NDST4: variants seen among roughly 807,000 people sequenced by gnomAD.
NDST4 encodes the protein N-heparan sulfate sulfotransferase 4.
A neutral mutation model predicts 100.8 loss-of-function variants in NDST4; 63 were observed. The observed-to-expected ratio is 0.62, with a 90% CI of 0.51 to 0.77. NDST4 has a LOEUF of 0.77. Ranked by LOEUF, NDST4 falls within the 30% of genes least tolerant of loss-of-function variation. The pLI, the probability that NDST4 is intolerant of heterozygous loss-of-function variation, is 0.00. For synonymous variants in NDST4, 377 were observed against 361.8 expected (o/e 1.04, Z -0.48); for missense variants, 943 against 1,018.4 (o/e 0.93, Z 1.01).
chr4:114,891,472 C>T (rs575561460), intron 6 of NDST4, among the ~76,000 whole-genome samples: 5 of 152,182 alleles, frequency 3.3e-5, no homozygotes, highest in African/African-American at 1.2e-4. Flanking sequence ...AGTTCAGAAT[C>T]TTTGTTTTAC....
At chr4:115,042,281 T>C (rs1308102030) in intron 2 of NDST4, among the ~76,000 whole-genome samples, 2 of 152,122 alleles carry the variant, frequency 1.3e-5, no homozygotes, top group Admixed American at 6.6e-5. Flanking sequence ...TGGCCATCAA[T>C]GTCATCAGCT....
At chr4:115,023,286 G>A (rs1363538679) in intron 2 of NDST4, among the ~76,000 whole-genome samples, 1 of 152,042 alleles carries the variant, frequency 6.6e-6, no homozygotes, top group Admixed American at 6.6e-5. Flanking sequence ...CGGAGTTCGA[G>A]ACCAGCCTGA....
At chr4:115,072,384 A>G (rs1337014811) in intron 2 of NDST4, among the ~76,000 whole-genome samples, 1 of 152,108 alleles carries the variant, frequency 6.6e-6, no homozygotes, top group East Asian at 1.9e-4. Context: ...ATGAAACTAC[A>G]AAAGATCCCA....
In NDST4 at chr4:114,839,539, A is replaced by G; in HGVS notation, c.2125T>C (p.Ser709Pro). The change falls in exon 11 of 14, where the codon TCA (serine) becomes CCA (proline). Residue 709 changes from serine to proline, a missense_variant. Transcript: ENST00000264363. Reference protein sequence around the residue: ...RAYSWYQHQRSHEDPAALRFN... With the variant: ...RAYSWYQHQRPHEDPAALRFN... ...CTCAGAGCAGCTGGATCTTCATGTG[A>G]TCGTTGGTGCTTTAACAAGAAAGTC... is the stretch of plus-strand genomic sequence containing the variant. 1 of 1,613,086 alleles carries G rather than the reference A, an allele frequency of 6.2e-7. No individual in the cohort carries two copies. The highest frequency in any genetic ancestry group is 8.5e-7 in the Non-Finnish European group (1 of 1,179,512).
At chr4:115,064,036 T>C (rs1728880087) in intron 2 of NDST4, among the ~76,000 whole-genome samples, 1 of 152,020 alleles carries the variant, frequency 6.6e-6, no homozygotes, top group African/African-American at 2.4e-5. Flanking sequence ...ATTAGATCCA[T>C]TACTATGTAG....
At chr4:115,016,869 AG>A (rs1330264111) in intron 2 of NDST4, among the ~76,000 whole-genome samples, 1 of 152,028 alleles carries the variant, frequency 6.6e-6, no homozygotes, top group Non-Finnish European at 1.5e-5. Flanking sequence ...GAAGGCAAAA[AG>A]TATATAGAAT....
chr4:115,026,685 G>C (rs75056744), intron 2 of NDST4, among the ~76,000 whole-genome samples: 1 of 147,354 alleles, frequency 6.8e-6, no homozygotes, highest in African/African-American at 2.5e-5. Context: ...TTTTTTTGGC[G>C]GGGGGGTTGC....
chr4:114,866,736 G>T (rs1469659620), intron 7 of NDST4, among the ~76,000 whole-genome samples: 1 of 152,094 alleles, frequency 6.6e-6, no homozygotes, highest in African/African-American at 2.4e-5. Flanking sequence ...ATAAGTTGTA[G>T]GGTGGTAAAA....
chr4:114,933,570 C>T (rs1280948965), intron 6 of NDST4, among the ~76,000 whole-genome samples: 3 of 151,012 alleles, frequency 2.0e-5, no homozygotes, highest in Non-Finnish European at 4.4e-5. Context: ...AAAAGACAAC[C>T]TATGGAATGA....
intron 2 of NDST4, among the ~76,000 whole-genome samples, chr4:115,028,059 T>TA (rs555507040): frequency 0.025 from 3,600 of 142,426 alleles, 148 homozygotes; most frequent in African/African-American, 0.086. Context: ...AAACTCCGTC[T>TA]AAAAAAAAAA....
intron 6 of NDST4, among the ~76,000 whole-genome samples, chr4:114,920,044 A>C (rs1312971732): frequency 6.6e-6 from 1 of 152,190 alleles, no homozygotes; most frequent in African/African-American, 2.4e-5. Context: ...ATGACTCTGC[A>C]CACCACAAGT....
chr4:115,046,029 G>A lies in NDST4; in HGVS notation c.978+30030C>T, dbSNP rs143458065. Reference sequence around the variant, plus strand: ...TTTCTGCTAATAGCTCACACCTGTCGCCTTCTCTGATGAGTCACCTATAAC... The same window carrying A: ...TTTCTGCTAATAGCTCACACCTGTCACCTTCTCTGATGAGTCACCTATAAC... On this transcript the variant is annotated intron_variant, in intron 2 of 13. Coordinates refer to ENST00000264363, the MANE Select transcript of NDST4 (RefSeq NM_022569.3). Among the ~76,000 whole-genome samples, 52 of 152,192 alleles carry A rather than the reference G, an allele frequency of 3.4e-4. No individual in the cohort carries two copies. The East Asian group carries it at 8.1e-3, about 24-fold the overall frequency.
chr4:115,031,545 A>G lies in NDST4; in HGVS notation c.978+44514T>C, dbSNP rs1728116501. ...AAGCCACCAGTCTTCTTCTCTCTGAACTCCAGGGAACTCTGTTCAAGTTCT... is the reference window on the plus strand; with the variant it reads ...AAGCCACCAGTCTTCTTCTCTCTGAGCTCCAGGGAACTCTGTTCAAGTTCT... On this transcript the variant is annotated intron_variant, in intron 2 of 13. Coordinates refer to ENST00000264363, the MANE Select transcript of NDST4 (RefSeq NM_022569.3). Among the ~76,000 whole-genome samples the G allele has an allele frequency of 2.6e-5, 4 of 151,498 alleles. No homozygotes were observed. The South Asian group carries it at 8.3e-4, about 32-fold the overall frequency.
chr4:114,905,134 C>CTT (rs570520427), intron 6 of NDST4, among the ~76,000 whole-genome samples: 13 of 142,170 alleles, frequency 9.1e-5, no homozygotes, highest in African/African-American at 1.0e-4. Flanking sequence ...AAAATTCTTC[C>CTT]TTTTTTTTTT....
At chr4:115,067,775 G>C (rs566610144) in intron 2 of NDST4, among the ~76,000 whole-genome samples, 13 of 150,832 alleles carry the variant, frequency 8.6e-5, no homozygotes, top group African/African-American at 2.9e-4. Flanking sequence ...TTAAGTTCTA[G>C]GGTACATGTG....
At chr4:115,012,059 G>C (rs1727558876) in intron 2 of NDST4, among the ~76,000 whole-genome samples, 1 of 151,828 alleles carries the variant, frequency 6.6e-6, no homozygotes, top group African/African-American at 2.4e-5. Flanking sequence ...AGCCTACTTA[G>C]AATGAGTACT....
Position 114,846,064 on chromosome 4 carries a change from A to G in NDST4, c.1941-67T>C, listed in dbSNP as rs182184959. On this transcript the variant is annotated intron_variant, in intron 9 of 13. Coordinates refer to ENST00000264363, the MANE Select transcript of NDST4 (RefSeq NM_022569.3). Reference sequence around the variant, plus strand: ...TTTCTTGCCATATTCTGAATGTGAAATAATTGGAACATTTTAATATTCATT... The same window carrying G: ...TTTCTTGCCATATTCTGAATGTGAAGTAATTGGAACATTTTAATATTCATT... 373 of 1,184,764 alleles carry G rather than the reference A, an allele frequency of 3.1e-4. 1 individual carries two copies. The African/African-American group carries it at 5.2e-3, about 16-fold the overall frequency. 73.4% of individuals were successfully genotyped at this position (1,184,764 alleles called of 1,614,324 possible).
intron 1 of NDST4, among the ~76,000 whole-genome samples, chr4:115,087,875 G>A (rs1326103595): frequency 6.6e-6 from 1 of 151,590 alleles, no homozygotes; most frequent in East Asian, 1.9e-4. Flanking sequence ...ATACTTGAAA[G>A]TATTATAAAT....
intron 2 of NDST4, among the ~76,000 whole-genome samples, chr4:115,014,996 A>G (rs578121572): frequency 6.6e-6 from 1 of 152,200 alleles, no homozygotes; most frequent in African/African-American, 2.4e-5. Flanking sequence ...TTATAAAAAT[A>G]GAGAGTCAAG....
Sources: allele counts gnomAD v4.1 joint callset (sites outside exome capture counted in the v4.1 genomes callset), GRCh38; gene constraint gnomAD v4.1.1; transcripts MANE v1.5; gene names NCBI Gene and HGNC (gene_info 2026-07-23, HGNC 2026-07-21).